The following FBXL12 variants were observed in gnomAD, a reference collection of about 807,000 sequenced individuals.
FBXL12 encodes F-box and leucine rich repeat protein 12, also known as F-box/LRR-repeat protein 12.
In FBXL12, 22 loss-of-function variants were observed where a neutral mutation model predicts 24.9. The observed-to-expected ratio is 0.88, with a 90% CI of 0.63 to 1.26. FBXL12 has a LOEUF of 1.26. Ranked by LOEUF, FBXL12 falls within the 50% of genes most tolerant of loss-of-function variation. The pLI, the probability that FBXL12 is intolerant of heterozygous loss-of-function variation, is 0.00. For missense variants in FBXL12, 384 were observed against 434.1 expected, an observed-to-expected ratio of 0.88 and a Z score of 1.03; for synonymous variants, 193 against 193.8, an observed-to-expected ratio of 1.00 and a Z score of 0.03.
At position 9,811,614 on chromosome 19, in the gene FBXL12, T is replaced by TG. The variant is rs2045755053; in HGVS notation, c.262dup (p.Gln88ProfsTer67). ...GGCTCTCAACAGAGCAGGGGACAACTGGGGGGCCTGGGAGCCAGAGAACAG... is the reference window on the plus strand; with the variant it reads ...GGCTCTCAACAGAGCAGGGGACAACTGGGGGGGCCTGGGAGCCAGAGAACAG... On this transcript the variant is annotated frameshift_variant, in exon 3 of 3. Transcript: ENST00000247977. LOFTEE classifies it high-confidence loss of function. This position sits in a 1 kb window ranked among gnomAD's most constrained non-coding sequence, Gnocchi z 6.0. The TG allele has an allele frequency of 4.6e-6, 7 of 1,538,068 alleles. No homozygotes were observed. Among genetic ancestry groups the TG allele is most frequent in the Non-Finnish European group, 4.4e-6 (5 of 1,141,246 alleles).
rs2045943280 is a variant in FBXL12, at chr19:9,818,872, G to A, written c.-59C>T. The A allele has an allele frequency of 6.8e-7, 1 of 1,469,568 alleles. No homozygotes were observed. The allele number at this position is 1,469,568 out of a possible 1,614,324, so 91.0% of individuals were successfully genotyped here. On this transcript the variant is annotated 5_prime_UTR_variant, in exon 1 of 3. Coordinates refer to ENST00000247977, the MANE Select transcript of FBXL12 (RefSeq NM_017703.3). Reference sequence around the variant, plus strand: ...AAGAGACCCGAGGGGTCCTGGGGGCGCCGAGGCGGCTGACAGGGCGGCGGC... The same window carrying A: ...AAGAGACCCGAGGGGTCCTGGGGGCACCGAGGCGGCTGACAGGGCGGCGGC...
chr19:9,813,193 TAC>T, intron 2 of FBXL12: 1 of 1,171,552 alleles, frequency 8.5e-7, no homozygotes, highest in Non-Finnish European at 1.1e-6. Context: ...TCATTCTAAG[TAC>T]AGTTTATCTT....
At chr19:9,815,632 G>A (rs1033170960) in intron 2 of FBXL12, among the ~76,000 whole-genome samples, 2 of 151,558 alleles carry the variant, frequency 1.3e-5, no homozygotes, top group Non-Finnish European at 2.9e-5. Context: ...CTGAAATCTA[G>A]GCAGAGGTTC....
At position 9,811,668 on chromosome 19, in the gene FBXL12, C is replaced by T. The variant is rs749477487; in HGVS notation, c.209G>A (p.Arg70Gln). The change falls in exon 3 of 3, where the codon CGG becomes CAG. Residue 70 changes from arginine to glutamine, a missense_variant. Transcript: ENST00000247977. This position sits in a 1 kb window ranked among gnomAD's most constrained non-coding sequence, Gnocchi z 6.0. Reference sequence around the variant, plus strand: ...GCCACCCATCCGCAGGGAATGGAGCCGGGATGCCATGTACCTTCGAAGGAG... The same window carrying T: ...GCCACCCATCCGCAGGGAATGGAGCTGGGATGCCATGTACCTTCGAAGGAG... The part of the protein sequence containing the change: ...WHLLRRYMAS[R>Q]LHSLRMGGYL... 4 of 1,517,354 alleles carry T rather than the reference C, an allele frequency of 2.6e-6. No homozygotes were observed. Among genetic ancestry groups the T allele is most frequent in the South Asian group, 1.3e-5 (1 of 75,986 alleles). 94.0% of individuals were successfully genotyped at this position (1,517,354 alleles called of 1,614,324 possible). A position where few individuals can be genotyped will look rare whatever the true frequency, so the allele number is the denominator to read the frequency against.
chr19:9,818,565 C>CA lies in FBXL12; in HGVS notation c.138dup (p.Val47CysfsTer11). 6.4e-7 allele frequency: 1 copy of CA among 1,552,228 alleles called. No homozygotes were observed. Among genetic ancestry groups the CA allele is most frequent in the South Asian group, 1.2e-5 (1 of 84,990 alleles). On this transcript the variant is annotated frameshift_variant, in exon 2 of 3. Coordinates refer to ENST00000247977, the MANE Select transcript of FBXL12 (RefSeq NM_017703.3). LOFTEE classifies it high-confidence loss of function. ...CGTACCGTGTAGAGCGTCAGGTCGA[C>CA]ATGTCGCCACAGCCACCGGTCGTCC...
At chr19:9,818,638 T>C (rs1236046094) in intron 1 of FBXL12, 21 bp from the exon 2 acceptor site, 3 of 1,551,316 alleles carry the variant, frequency 1.9e-6, no homozygotes, top group Non-Finnish European at 2.6e-6. Context: ...GGACGCGCGG[T>C]TAGAACGACC....
At position 9,818,879 on chromosome 19, in the gene FBXL12, C is replaced by G. The variant is rs568056008; in HGVS notation, c.-66G>C. 5 of 1,450,058 alleles carry G rather than the reference C, an allele frequency of 3.4e-6. No individual in the cohort carries two copies. The African/African-American group carries it at 5.7e-5, about 17-fold the overall frequency. The allele number at this position is 1,450,058 out of a possible 1,614,324, so 89.8% of individuals were successfully genotyped here. ...CCGAGGGGTCCTGGGGGCGCCGAGG[C>G]GGCTGACAGGGCGGCGGCCGCGACC... is the stretch of plus-strand genomic sequence containing the variant. On this transcript the variant is annotated 5_prime_UTR_variant, in exon 1 of 3. Coordinates refer to ENST00000247977, the MANE Select transcript of FBXL12 (RefSeq NM_017703.3).
At position 9,811,569 on chromosome 19, in the gene FBXL12, T is replaced by C. The variant is rs1199295091; in HGVS notation, c.308A>G (p.Asn103Ser). The C allele has an allele frequency of 1.9e-6, 3 of 1,595,634 alleles. No homozygotes were observed. The highest frequency in any genetic ancestry group is 2.6e-6 in the Non-Finnish European group (3 of 1,169,172). ...CACGTGCAGGCAGAGGCGCTTCAGG[T>C]TGGGGCACTTCTGGCCCAGGGCTCT... ...LLRALGQKCPNLKRLCLHVAD... is the reference protein window; with the variant it reads ...LLRALGQKCPSLKRLCLHVAD... Residue 103 changes from asparagine to serine, a missense_variant, in exon 3 of 3, where the codon AAC becomes AGC. Transcript: ENST00000247977. The surrounding 1 kb of genome is among the most constrained non-coding windows in gnomAD (Gnocchi z 6.0).
At chr19:9,817,728 G>A (rs537648029) in intron 2 of FBXL12, among the ~76,000 whole-genome samples, 4 of 152,124 alleles carry the variant, frequency 2.6e-5, no homozygotes, top group Non-Finnish European at 5.9e-5. Context: ...GATATATACA[G>A]TAAAATTGTT....
intron 2 of FBXL12, chr19:9,813,544 C>T (rs2045809716): frequency 5.1e-6 from 1 of 196,802 alleles, no homozygotes. Context: ...CTCTGTTGCC[C>T]AGGCTGGAGT....
intron 2 of FBXL12, among the ~76,000 whole-genome samples, chr19:9,817,052 CA>C (rs1323053282): frequency 6.6e-6 from 1 of 152,190 alleles, no homozygotes; most frequent in Non-Finnish European, 1.5e-5. Context: ...CCCCATGATT[CA>C]ATTACTTTCC....
Position 9,811,305 on chromosome 19 carries a change from T to G in FBXL12, c.572A>C (p.Glu191Ala). 6.2e-7 allele frequency: 1 copy of G among 1,609,024 alleles called. No individual in the cohort carries two copies. Among genetic ancestry groups the G allele is most frequent in the Non-Finnish European group, 8.5e-7 (1 of 1,179,938 alleles). ...CTGCAGGCCAGCATCCAGCCCTGTC[T>G]CGGTCACACGGTAGGTACCACCCAG... ...LVLGGTYRVTETGLDAGLQEL... is the reference protein window; with the variant it reads ...LVLGGTYRVTATGLDAGLQEL... The change falls in exon 3 of 3, where the codon GAG becomes GCG. Residue 191 changes from glutamate (E) to alanine (A), a missense_variant. Transcript: ENST00000247977. This position sits in a 1 kb window ranked among gnomAD's most constrained non-coding sequence, Gnocchi z 6.0.
At chr19:9,816,221 AT>A (rs1339486358) in intron 2 of FBXL12, among the ~76,000 whole-genome samples, 1 of 152,102 alleles carries the variant, frequency 6.6e-6, no homozygotes, top group Non-Finnish European at 1.5e-5. Context: ...GCCTGGAGAC[AT>A]TTTCCCCATG....
chr19:9,815,525 C>A (rs1387076259), intron 2 of FBXL12, among the ~76,000 whole-genome samples: 1 of 152,352 alleles, frequency 6.6e-6, no homozygotes, highest in South Asian at 2.1e-4. Context: ...TCTGACCCCA[C>A]ATTTCCCTTC....
intron 2 of FBXL12, among the ~76,000 whole-genome samples, chr19:9,815,362 G>T (rs2045857407): frequency 6.6e-6 from 1 of 152,222 alleles, no homozygotes; most frequent in Non-Finnish European, 1.5e-5. Flanking sequence ...CTCCCTCCCA[G>T]CTGCTTTCAC....
At chr19:9,816,025 C>T (rs2045875860) in intron 2 of FBXL12, among the ~76,000 whole-genome samples, 1 of 152,194 alleles carries the variant, frequency 6.6e-6, no homozygotes, top group Admixed American at 6.5e-5. Context: ...GGGGCTTCCA[C>T]CCTCTGAAGC....
rs962734514 is a variant in FBXL12 at position 9,811,775 on chromosome 19, T to C, written c.160-58A>G. The C allele has an allele frequency of 6.3e-6, 9 of 1,417,760 alleles. No individual in the cohort carries two copies. In the South Asian group the frequency reaches 1.4e-4, roughly 23 times the overall value. The allele number at this position is 1,417,760 out of a possible 1,614,324, so 87.8% of individuals were successfully genotyped here. On this transcript the variant is annotated intron_variant, in intron 2 of 2. Coordinates refer to ENST00000247977, the MANE Select transcript of FBXL12 (RefSeq NM_017703.3). This position sits in a 1 kb window ranked among gnomAD's most constrained non-coding sequence, Gnocchi z 6.0. ...AGAGGTATGGAGCTTCCAAGGCCCC[T>C]GCTGGGCTGGAGACACACAACCCCG...
At chr19:9,813,439 G>A (rs1444915831) in intron 2 of FBXL12, 7 of 337,436 alleles carry the variant, frequency 2.1e-5, no homozygotes, top group South Asian at 1.5e-4. Flanking sequence ...GGGTTCAAGC[G>A]ATTCTCGTGC....
intron 2 of FBXL12, 130 bp downstream of exon 2, chr19:9,818,415 T>G: frequency 1.0e-6 from 1 of 952,602 alleles, no homozygotes. Flanking sequence ...GATGCCGAGA[T>G]AGGCCCCGGA....
Sources: allele counts gnomAD v4.1 joint callset (sites outside exome capture counted in the v4.1 genomes callset), GRCh38; gene constraint gnomAD v4.1.1; non-coding constraint Gnocchi (gnomAD v3.1); transcripts MANE v1.5; gene names NCBI Gene and HGNC (gene_info 2026-07-23, HGNC 2026-07-21).